The following B3GALT1 variants were observed in gnomAD, a reference collection of about 807,000 sequenced individuals.
B3GALT1 encodes beta-1,3-galactosyltransferase 1.
In B3GALT1, 10 loss-of-function variants were observed where a neutral mutation model predicts 23.2. The observed-to-expected ratio is 0.43, with a 90% CI of 0.27 to 0.73. The LOEUF (loss-of-function observed/expected upper bound fraction) is 0.73, where lower values mean the gene tolerates loss of function less well. Ranked by LOEUF, B3GALT1 falls within the 30% of genes least tolerant of loss-of-function variation. The pLI is 0.21. For missense variants in B3GALT1, 299 were observed against 405.4 expected, an observed-to-expected ratio of 0.74 and a Z score of 2.25; for synonymous variants, 156 against 141.5, an observed-to-expected ratio of 1.10 and a Z score of -0.73.
intron 1 of B3GALT1, among the ~76,000 whole-genome samples, chr2:167,472,119 T>C (rs1574093641): frequency 6.6e-6 from 1 of 152,232 alleles, no homozygotes; most frequent in African/African-American, 2.4e-5. Flanking sequence ...ATATAATTAG[T>C]ACATGTTTGG....
chr2:167,570,433 C>T (rs934391880), intron 2 of B3GALT1, among the ~76,000 whole-genome samples: 4 of 151,650 alleles, frequency 2.6e-5, no homozygotes, highest in Non-Finnish European at 5.9e-5. Context: ...AATTTGTGAG[C>T]GTACAGTTGT....
chr2:167,377,088 G>C (rs996850120), intron 1 of B3GALT1, among the ~76,000 whole-genome samples: 1 of 151,898 alleles, frequency 6.6e-6, no homozygotes, highest in Admixed American at 6.6e-5. Flanking sequence ...CCTTGATTTT[G>C]TTGTTTACCC....
intron 2 of B3GALT1, among the ~76,000 whole-genome samples, chr2:167,495,840 A>G (rs1699776273): frequency 1.3e-5 from 2 of 152,162 alleles, no homozygotes; most frequent in Admixed American, 1.3e-4. Flanking sequence ...AATGAAGGTG[A>G]GGAAAGGCAC....
Position 167,804,592 on chromosome 2 carries a change from C to G in B3GALT1, c.-351-14080C>G, listed in dbSNP as rs1236736613. Reference sequence around the variant, plus strand: ...AACATGCGGTGTTTGGTTTTTTGTCCTTGAGATAGTTTGCTGAGAATGATG... The same window carrying G: ...AACATGCGGTGTTTGGTTTTTTGTCGTTGAGATAGTTTGCTGAGAATGATG... On this transcript the variant is annotated intron_variant, in intron 3 of 4. Coordinates refer to ENST00000392690, the MANE Select transcript of B3GALT1 (RefSeq NM_020981.4). Among the ~76,000 whole-genome samples the G allele has an allele frequency of 2.0e-5, 3 of 151,950 alleles. No homozygotes were observed. In the South Asian group the frequency reaches 6.2e-4, roughly 32 times the overall value.
At chr2:167,512,115 CT>C (rs1315818099) in intron 2 of B3GALT1, among the ~76,000 whole-genome samples, 14 of 152,038 alleles carry the variant, frequency 9.2e-5, no homozygotes, top group Non-Finnish European at 1.6e-4. Flanking sequence ...TCATGGCACA[CT>C]TTGTATCACA....
At chr2:167,538,180 C>T (rs1199727082) in intron 2 of B3GALT1, among the ~76,000 whole-genome samples, 2 of 152,094 alleles carry the variant, frequency 1.3e-5, no homozygotes, top group Non-Finnish European at 2.9e-5. Context: ...TGGTGGCTTC[C>T]TCTGATTCAC....
At position 167,866,226 on chromosome 2, in the gene B3GALT1, C is replaced by T. The variant is rs143055734; in HGVS notation, c.-229-2585C>T. ...GGGTGGAGGAGTGAGATTCACGTTA[C>T]GGCTAGTGTGAATGGCACCCTCTGG... On this transcript the variant is annotated intron_variant, in intron 4 of 4. Coordinates refer to ENST00000392690, the MANE Select transcript of B3GALT1 (RefSeq NM_020981.4). Among the ~76,000 whole-genome samples, 180 of 152,284 alleles carry T rather than the reference C, an allele frequency of 1.2e-3. 1 individual carries two copies. The highest frequency in any genetic ancestry group is 3.9e-3 in the African/African-American group (161 of 41,558).
At chr2:167,602,414 A>G (rs928350515) in intron 2 of B3GALT1, among the ~76,000 whole-genome samples, 2 of 152,186 alleles carry the variant, frequency 1.3e-5, no homozygotes, top group Non-Finnish European at 2.9e-5. Flanking sequence ...TAGGGGAACT[A>G]AAACCACTTT....
chr2:167,576,161 C>T (rs1684379551), intron 2 of B3GALT1, among the ~76,000 whole-genome samples: 1 of 151,720 alleles, frequency 6.6e-6, no homozygotes, highest in Non-Finnish European at 1.5e-5. Context: ...CCATAGGCCT[C>T]TTTATTTAAA....
chr2:167,326,859 T>A (rs1339371522), intron 1 of B3GALT1, among the ~76,000 whole-genome samples: 1 of 152,014 alleles, frequency 6.6e-6, no homozygotes, highest in African/African-American at 2.4e-5. Context: ...CCGGCTAATT[T>A]TTCTTTTATT....
chr2:167,363,829 G>A (rs1697539995), intron 1 of B3GALT1, among the ~76,000 whole-genome samples: 1 of 152,042 alleles, frequency 6.6e-6, no homozygotes, highest in South Asian at 2.1e-4. Context: ...TGCAATGAGA[G>A]AATAAACACT....
chr2:167,603,915 A>G (rs1310934450), intron 2 of B3GALT1, among the ~76,000 whole-genome samples: 5 of 151,958 alleles, frequency 3.3e-5, no homozygotes. Context: ...CAAATCACAT[A>G]GAACAAAAAC....
intron 1 of B3GALT1, among the ~76,000 whole-genome samples, chr2:167,354,833 T>C (rs921673544): frequency 6.6e-6 from 1 of 152,190 alleles, no homozygotes; most frequent in African/African-American, 2.4e-5. Context: ...CTGCACCACA[T>C]TTATTGTCTT....
At chr2:167,531,276 G>C (rs1457028576) in intron 2 of B3GALT1, among the ~76,000 whole-genome samples, 1 of 152,148 alleles carries the variant, frequency 6.6e-6, no homozygotes, top group Non-Finnish European at 1.5e-5. Flanking sequence ...ATCTGTGTGA[G>C]GGTGGATTGG....
chr2:167,818,924 G>A (rs1215614349), intron 4 of B3GALT1, among the ~76,000 whole-genome samples, 131 bp downstream of exon 4: 1 of 152,046 alleles, frequency 6.6e-6, no homozygotes, highest in Non-Finnish European at 1.5e-5. Flanking sequence ...GAAAAGTCTA[G>A]GTTTTTTTCT....
In B3GALT1 at chr2:167,722,591, C is replaced by T. The variant is rs1687251795; in HGVS notation, c.-352+75625C>T. ...CATGACTCCTGCGTATCCTTAATAC[C>T]ACTGAAGCCAGAATTTTACATAATA... On this transcript the variant is annotated intron_variant, in intron 3 of 4. Coordinates refer to ENST00000392690, the MANE Select transcript of B3GALT1 (RefSeq NM_020981.4). Among the ~76,000 whole-genome samples, 3 of 151,988 alleles carry T rather than the reference C, an allele frequency of 2.0e-5. No homozygotes were observed. In the South Asian group the frequency reaches 6.2e-4, roughly 31 times the overall value.
chr2:167,711,041 C>T (rs1410985275), intron 3 of B3GALT1, among the ~76,000 whole-genome samples: 1 of 152,134 alleles, frequency 6.6e-6, no homozygotes, highest in African/African-American at 2.4e-5. Context: ...ATCCCTCTCT[C>T]CCCACTCAAA....
chr2:167,304,876 G>C (rs368653290), intron 1 of B3GALT1, among the ~76,000 whole-genome samples: 1 of 152,142 alleles, frequency 6.6e-6, no homozygotes, highest in Non-Finnish European at 1.5e-5. Context: ...GTAAATTTAT[G>C]TTGAGTTTGA....
intron 1 of B3GALT1, among the ~76,000 whole-genome samples, chr2:167,444,316 G>T (rs955028281): frequency 1.3e-5 from 2 of 152,134 alleles, no homozygotes; most frequent in Non-Finnish European, 2.9e-5. Flanking sequence ...AGGGATATTG[G>T]CCTAAAATTC....
Sources: gnomAD v4.1 joint callset for allele counts (sites outside exome capture counted in the v4.1 genomes callset) on GRCh38, gnomAD v4.1.1 for gene constraint, MANE v1.5 for transcripts, NCBI Gene and HGNC (gene_info 2026-07-23, HGNC 2026-07-21) for gene names.